The following USH2A variants were observed in gnomAD, a reference collection of about 807,000 sequenced individuals.
USH2A encodes Usher syndrome 2A (autosomal recessive, mild).
In USH2A, 443 loss-of-function variants were observed where a neutral mutation model predicts 538.9. The observed-to-expected ratio is 0.82, with a 90% CI of 0.76 to 0.89. The LOEUF (loss-of-function observed/expected upper bound fraction) is 0.89. Among genes scored for constraint, USH2A ranks in the 40% least tolerant of loss-of-function variants. USH2A has a pLI of 0.00. For synonymous variants in USH2A, 2,413 were observed against 2,273.5 expected (o/e 1.06, Z -1.75); for missense variants, 6,633 against 6,324.8 (o/e 1.05, Z -1.65).
intron 21 of USH2A, among the ~76,000 whole-genome samples, chr1:216,156,836 C>A (rs1247801621): frequency 6.6e-6 from 1 of 151,516 alleles, no homozygotes; most frequent in African/African-American, 2.4e-5. Flanking sequence ...AAAACAACTC[C>A]ATTTAAAAAA....
intron 27 of USH2A, 147 bp from the exon 28 acceptor site, chr1:216,073,447 T>C (rs924752958): frequency 1.4e-5 from 11 of 795,792 alleles, no homozygotes; most frequent in Admixed American, 2.2e-5. Context: ...GAAAACCTTT[T>C]ATGCCTCCTA....
At chr1:215,911,583 C>G (rs1320566461) in intron 38 of USH2A, among the ~76,000 whole-genome samples, 3 of 152,086 alleles carry the variant, frequency 2.0e-5, no homozygotes, top group Admixed American at 6.6e-5. Context: ...ATATGTACCA[C>G]ATTTTGTTTA....
At chr1:216,148,833 C>T (rs1367024199) in intron 21 of USH2A, among the ~76,000 whole-genome samples, 1 of 151,482 alleles carries the variant, frequency 6.6e-6, no homozygotes, top group Non-Finnish European at 1.5e-5. Context: ...CACCCTTAAT[C>T]CCAGCCTCTC....
intron 3 of USH2A, among the ~76,000 whole-genome samples, chr1:216,384,669 C>A (rs2038974979): frequency 6.7e-6 from 1 of 150,278 alleles, no homozygotes; most frequent in Non-Finnish European, 1.5e-5. Context: ...GGCCTCAATC[C>A]ACACACCTGT....
intron 22 of USH2A, among the ~76,000 whole-genome samples, 156 bp from the exon 23 acceptor site, chr1:216,089,295 C>T (rs2032233665): frequency 2.0e-5 from 3 of 152,112 alleles, no homozygotes; most frequent in Admixed American, 2.0e-4. Context: ...AAGCTGATGT[C>T]TAGCATCATT....
chr1:215,703,124 T>C (rs947848717), intron 61 of USH2A, among the ~76,000 whole-genome samples: 2 of 152,190 alleles, frequency 1.3e-5, no homozygotes, highest in African/African-American at 4.8e-5. Flanking sequence ...CCTGTTTGCC[T>C]GGGTATCACC....
intron 32 of USH2A, among the ~76,000 whole-genome samples, chr1:216,002,288 T>G (rs896022078): frequency 6.6e-6 from 1 of 152,176 alleles, no homozygotes; most frequent in Non-Finnish European, 1.5e-5. Flanking sequence ...AATTATAATG[T>G]GTTTATATGC....
rs374268045 is a variant in USH2A at position 215,886,906 on chromosome 1, G to A, written c.8223+1520C>T. On this transcript the variant is annotated intron_variant, in intron 41 of 71. Transcript: ENST00000307340. ...GGAGTCTCGCTCTGTCGCCCAGGCT[G>A]GAGTGCAGTGGCATAATCTCGGCTC... Among the ~76,000 whole-genome samples, 5 of 151,952 alleles carry A rather than the reference G, an allele frequency of 3.3e-5. No individual in the cohort carries two copies. The South Asian group carries it at 8.3e-4, about 25-fold the overall frequency.
chr1:216,317,639 G>A (rs1220866538), intron 9 of USH2A, among the ~76,000 whole-genome samples: 1 of 151,946 alleles, frequency 6.6e-6, no homozygotes, highest in Non-Finnish European at 1.5e-5. Context: ...CTTGAGGTCA[G>A]GAGTTCAAGA....
At chr1:216,074,840 C>G (rs952737922) in intron 27 of USH2A, among the ~76,000 whole-genome samples, 1 of 152,148 alleles carries the variant, frequency 6.6e-6, no homozygotes, top group Admixed American at 6.5e-5. Context: ...GCTTGGCAAA[C>G]AAGTGCTGTT....
chr1:216,169,112 C>T (rs76096247), intron 21 of USH2A, among the ~76,000 whole-genome samples: 1,912 of 152,148 alleles, frequency 0.013, 47 homozygotes, highest in African/African-American at 0.044. Context: ...TGAGTGGTTG[C>T]GGAAAACCCA....
Position 216,237,057 on chromosome 1 carries a change from C to A in USH2A, c.2810-4921G>T, listed in dbSNP as rs567934047. 5.9e-5 allele frequency among the ~76,000 whole-genome samples: 9 copies of A among 152,238 alleles called. No individual in the cohort carries two copies. The South Asian group carries it at 1.9e-3, about 32-fold the overall frequency. On this transcript the variant is annotated intron_variant, in intron 13 of 71. Transcript: ENST00000307340. The stretch of plus-strand genomic sequence containing the variant: ...AAATCCACAGCAAAACTTATATTCT[C>A]TGTTCCCATTCAGTGTTTATCAAAT...
At chr1:216,161,042 T>C (rs1433916046) in intron 21 of USH2A, among the ~76,000 whole-genome samples, 2 of 152,178 alleles carry the variant, frequency 1.3e-5, no homozygotes, top group Non-Finnish European at 2.9e-5. Context: ...TATATATCAA[T>C]ACATCTTATC....
chr1:216,403,120 T>G (rs887455202), intron 3 of USH2A, among the ~76,000 whole-genome samples: 1 of 152,124 alleles, frequency 6.6e-6, no homozygotes, highest in Non-Finnish European at 1.5e-5. Context: ...GTATGTAAGG[T>G]TGGTTCAACA....
chr1:216,177,608 A>G (rs1449009472), intron 20 of USH2A, among the ~76,000 whole-genome samples: 1 of 152,130 alleles, frequency 6.6e-6, no homozygotes, highest in Non-Finnish European at 1.5e-5. Context: ...TTGGAGCAGT[A>G]GTGACCTCAT....
At chr1:215,938,015 A>G (rs1291460703) in intron 37 of USH2A, among the ~76,000 whole-genome samples, 2 of 152,122 alleles carry the variant, frequency 1.3e-5, no homozygotes, top group African/African-American at 2.4e-5. Flanking sequence ...AGCTTCCTAG[A>G]TAACAACATT....
At chr1:215,682,541 A>G (rs2820673) in intron 61 of USH2A, among the ~76,000 whole-genome samples, 19,755 of 152,116 alleles carry the variant, frequency 0.13, 1,366 homozygotes, top group Non-Finnish European at 0.15. Flanking sequence ...ATTTCATTAT[A>G]GATTCGTTTA....
intron 5 of USH2A, 100 bp from the exon 6 acceptor site, chr1:216,325,699 T>C (rs2037719436): frequency 1.1e-5 from 13 of 1,155,382 alleles, no homozygotes; most frequent in Non-Finnish European, 1.6e-5. Context: ...AGTGCTTTCA[T>C]GAGTATCCAT....
intron 13 of USH2A, among the ~76,000 whole-genome samples, chr1:216,245,379 G>A (rs921037324): frequency 2.0e-5 from 3 of 151,792 alleles, no homozygotes; most frequent in African/African-American, 7.3e-5. Flanking sequence ...AAATCGCTCT[G>A]TTGTGGCTGG....
Sources: allele counts gnomAD v4.1 joint callset (sites outside exome capture counted in the v4.1 genomes callset), GRCh38; gene constraint gnomAD v4.1.1; transcripts MANE v1.5; gene names NCBI Gene and HGNC (gene_info 2026-07-23, HGNC 2026-07-21).